NRG1: variants seen among roughly 807,000 people sequenced by gnomAD.
NRG1 encodes neuregulin 1.
In NRG1, 18 loss-of-function variants were observed where a neutral mutation model predicts 63.8. That is an observed-to-expected ratio of 0.28 (90% CI 0.19 to 0.42). NRG1 has a LOEUF of 0.42. Among genes scored for constraint, NRG1 ranks in the 10% least tolerant of loss-of-function variants. The pLI is 1.00. For synonymous variants in NRG1, 302 were observed against 301.3 expected (o/e 1.00, Z -0.02); for missense variants, 762 against 814.7 (o/e 0.94, Z 0.79).
At chr8:32,430,183 A>G (rs1817945691) in intron 1 of NRG1, among the ~76,000 whole-genome samples, 1 of 152,188 alleles carries the variant, frequency 6.6e-6, no homozygotes, top group African/African-American at 2.4e-5. Context: ...AAGATCACCT[A>G]AGGCCAAATT....
chr8:32,144,673 G>A (rs575994848), intron 1 of NRG1, among the ~76,000 whole-genome samples: 2 of 152,152 alleles, frequency 1.3e-5, no homozygotes, highest in Admixed American at 6.5e-5. Context: ...TTTTATTTTG[G>A]TCTCGGTTTT....
chr8:32,183,172 A>T (rs1841610647), intron 1 of NRG1, among the ~76,000 whole-genome samples: 1 of 152,164 alleles, frequency 6.6e-6, no homozygotes, highest in South Asian at 2.1e-4. Context: ...CTGGTATGAC[A>T]TTCTTTCCTT....
intron 1 of NRG1, among the ~76,000 whole-genome samples, chr8:31,965,264 C>G (rs1461029173): frequency 6.6e-6 from 1 of 151,826 alleles, no homozygotes; most frequent in African/African-American, 2.4e-5. Flanking sequence ...ACTCTGTCAC[C>G]CAGGCTGAAG....
chr8:31,913,749 C>T (rs1022865727), intron 1 of NRG1, among the ~76,000 whole-genome samples: 1 of 152,096 alleles, frequency 6.6e-6, no homozygotes, highest in African/African-American at 2.4e-5. Context: ...CCAGAATTAG[C>T]GCAGTTTGCA....
intron 1 of NRG1, among the ~76,000 whole-genome samples, chr8:32,570,129 G>C (rs2466101): frequency 0.15 from 22,605 of 151,794 alleles, 1,997 homozygotes; most frequent in Non-Finnish European, 0.19. Flanking sequence ...GGCTGGTCTC[G>C]GACTCCTGAC....
At chr8:32,138,571 T>G (rs1181515560) in intron 1 of NRG1, among the ~76,000 whole-genome samples, 1 of 151,638 alleles carries the variant, frequency 6.6e-6, no homozygotes, top group Non-Finnish European at 1.5e-5. Flanking sequence ...AGCGATTTCT[T>G]TTTTTTTGAG....
intron 1 of NRG1, among the ~76,000 whole-genome samples, chr8:32,254,639 A>C (rs575331808): frequency 1.3e-5 from 2 of 152,288 alleles, no homozygotes; most frequent in Non-Finnish European, 2.9e-5. Context: ...TGCTGAGAAG[A>C]ATGTAAATTC....
At chr8:32,469,881 G>T (rs1280370531) in intron 1 of NRG1, among the ~76,000 whole-genome samples, 1 of 152,132 alleles carries the variant, frequency 6.6e-6, no homozygotes, top group Non-Finnish European at 1.5e-5. Context: ...TTTTTGAGAC[G>T]GAGTCTTGCT....
chr8:31,982,755 A>T (rs143279955), intron 1 of NRG1, among the ~76,000 whole-genome samples: 2,364 of 152,194 alleles, frequency 0.016, 30 homozygotes, highest in Middle Eastern at 0.054. Context: ...CTCTCATGAA[A>T]TTAATTGAGA....
rs1468769810 is a variant in NRG1 at position 32,522,601 on chromosome 8, A to G, written c.38-73227A>G. 2.6e-5 allele frequency among the ~76,000 whole-genome samples: 4 copies of G among 152,246 alleles called. No homozygotes were observed. The East Asian group carries it at 5.8e-4, about 22-fold the overall frequency. Reference sequence around the variant, plus strand: ...GAAAAGCTAAACTTCCCTTCCTGCTATTCATCCTGACATTTCTGCCCTTTA... The same window carrying G: ...GAAAAGCTAAACTTCCCTTCCTGCTGTTCATCCTGACATTTCTGCCCTTTA... On this transcript the variant is annotated intron_variant, in intron 1 of 10. Transcript: ENST00000519301.
At chr8:32,429,149 A>G (rs1817811492) in intron 1 of NRG1, among the ~76,000 whole-genome samples, 1 of 152,144 alleles carries the variant, frequency 6.6e-6, no homozygotes, top group Non-Finnish European at 1.5e-5. Context: ...CAAGTCAACT[A>G]AACGAACAGG....
chr8:31,899,512 C>T (rs1219162570), intron 1 of NRG1, among the ~76,000 whole-genome samples: 1 of 152,110 alleles, frequency 6.6e-6, no homozygotes, highest in Non-Finnish European at 1.5e-5. Context: ...TGGCTGCAAT[C>T]TGGAGAAAAT....
chr8:31,854,274 C>G (rs1275867653), intron 1 of NRG1, among the ~76,000 whole-genome samples: 1 of 152,198 alleles, frequency 6.6e-6, no homozygotes, highest in Admixed American at 6.5e-5. Context: ...CTATTGATTA[C>G]TGCCACAATT....
chr8:32,107,283 T>C (rs1831413556), intron 1 of NRG1, among the ~76,000 whole-genome samples: 1 of 152,178 alleles, frequency 6.6e-6, no homozygotes, highest in Non-Finnish European at 1.5e-5. Flanking sequence ...GTCTCAAATG[T>C]AGGCATATAC....
At chr8:31,709,200 A>ATT (rs1345288405) in intron 1 of NRG1, among the ~76,000 whole-genome samples, 4 of 136,000 alleles carry the variant, frequency 2.9e-5, no homozygotes, top group African/African-American at 1.1e-4. Flanking sequence ...TTTTTTAATC[A>ATT]AGTGATTTTT....
At chr8:32,248,805 T>C (rs1269457055) in intron 1 of NRG1, among the ~76,000 whole-genome samples, 3 of 152,250 alleles carry the variant, frequency 2.0e-5, no homozygotes, top group South Asian at 4.1e-4. Flanking sequence ...AGAAGCATAC[T>C]TGTGTTATAT....
chr8:32,330,856 CTGAAA>C (rs1802554350), intron 1 of NRG1, among the ~76,000 whole-genome samples: 1 of 152,154 alleles, frequency 6.6e-6, no homozygotes, highest in Admixed American at 6.5e-5. Context: ...TGTACAGTCA[CTGAAA>C]TGAGAGTATT....
At chr8:31,965,229 T>C (rs1171200360) in intron 1 of NRG1, among the ~76,000 whole-genome samples, 6 of 10,556 alleles carry the variant, frequency 5.7e-4, no homozygotes, top group Non-Finnish European at 1.8e-3. Context: ...TGTCTTTTAT[T>C]TTTTTTTTTT....
At chr8:31,691,333 C>T (rs186089012) in intron 1 of NRG1, among the ~76,000 whole-genome samples, 10 of 152,182 alleles carry the variant, frequency 6.6e-5, no homozygotes, top group Non-Finnish European at 1.2e-4. Context: ...TGAGGCCGGG[C>T]GCGGTGGCTC....
Sources: gnomAD v4.1 joint callset for allele counts (sites outside exome capture counted in the v4.1 genomes callset) on GRCh38, gnomAD v4.1.1 for gene constraint, MANE v1.5 for transcripts, NCBI Gene and HGNC (gene_info 2026-07-23, HGNC 2026-07-21) for gene names.